Variants in UBAP2 observed in about 807,000 individuals in gnomAD.
The protein encoded by UBAP2 is ubiquitin-associated protein 2.
Under a neutral mutation model 139.6 loss-of-function variants are expected in UBAP2, and 75 were observed. The ratio of observed to expected loss-of-function variants is 0.54; its 90% CI spans 0.45 to 0.65. UBAP2 has a LOEUF of 0.65. UBAP2 is among the 30% of genes least tolerant of loss of function. The probability of loss-of-function intolerance (pLI) is 0.00; values close to 1 mark genes in which losing one functional copy is unlikely to be tolerated. For synonymous variants in UBAP2, 526 were observed against 526.2 expected, an observed-to-expected ratio of 1.00 and a Z score of 0.01; for missense variants, 1,368 against 1,369.6, an observed-to-expected ratio of 1.00 and a Z score of 0.02.
In UBAP2 at chr9:33,927,656, T is replaced by C. The variant is rs952459575; in HGVS notation, c.2371+141A>G. ...TTCATCCCCATCAGGGGTGGGGAGA[T>C]TGGGCCTCAAGGTCAGTGGAACACG... On this transcript the variant is annotated intron_variant, in intron 20 of 28. Transcript: ENST00000379238. 7.5e-6 allele frequency: 6 copies of C among 800,218 alleles called. No individual in the cohort carries two copies. In the South Asian group the frequency reaches 7.8e-5, roughly 10 times the overall value. 49.6% of individuals were successfully genotyped at this position (800,218 alleles called of 1,614,324 possible). A position where few individuals can be genotyped will look rare whatever the true frequency, so the allele number is the denominator to read the frequency against.
At chr9:33,963,526 A>T (rs1489110802) in intron 9 of UBAP2, among the ~76,000 whole-genome samples, 200 bp downstream of exon 9, 1 of 152,214 alleles carries the variant, frequency 6.6e-6, no homozygotes, top group East Asian at 1.9e-4. Context: ...ATAATGATGA[A>T]AATTCTGTGG....
intron 6 of UBAP2, among the ~76,000 whole-genome samples, chr9:33,985,998 G>A (rs183145862): frequency 8.1e-4 from 123 of 152,182 alleles, no homozygotes; most frequent in Non-Finnish European, 1.4e-3. Context: ...TCCAGCCTGG[G>A]TGACAAAGTA....
chr9:34,016,256 AG>A (rs1409806878), intron 2 of UBAP2, among the ~76,000 whole-genome samples: 10 of 28,024 alleles, frequency 3.6e-4, no homozygotes, highest in Non-Finnish European at 8.7e-4. Flanking sequence ...GAGGAGGAGG[AG>A]GAAGAGGAGG....
chr9:33,925,167 G>A (rs1257507552), intron 22 of UBAP2, among the ~76,000 whole-genome samples: 1 of 152,132 alleles, frequency 6.6e-6, no homozygotes, highest in East Asian at 1.9e-4. Context: ...CTGAGGAAAG[G>A]CAAAGCCCTT....
intron 21 of UBAP2, 52 bp downstream of exon 21, chr9:33,926,937 G>GC (rs914511735): frequency 6.4e-6 from 10 of 1,568,022 alleles, no homozygotes; most frequent in Admixed American, 3.3e-5. Flanking sequence ...CCAGGTGCCA[G>GC]CCCCCGAGGC....
intron 1 of UBAP2, among the ~76,000 whole-genome samples, chr9:34,038,549 T>C (rs1826682146): frequency 6.6e-6 from 1 of 152,160 alleles, no homozygotes; most frequent in African/African-American, 2.4e-5. Flanking sequence ...CCTCCTGAGG[T>C]GCCGGGATTG....
intron 13 of UBAP2, among the ~76,000 whole-genome samples, chr9:33,947,616 G>A (rs1277084197): frequency 6.6e-6 from 1 of 151,992 alleles, no homozygotes; most frequent in East Asian, 1.9e-4. Flanking sequence ...TAGTCCAGGA[G>A]TTCCAGACCA....
intron 17 of UBAP2, chr9:33,933,968 C>G: frequency 9.4e-6 from 2 of 213,706 alleles, no homozygotes; most frequent in South Asian, 1.8e-4. Context: ...AGGTGCTGAG[C>G]CTAATATGTA....
chr9:34,024,342 CA>C (rs11464111), intron 1 of UBAP2, among the ~76,000 whole-genome samples: 104,393 of 144,540 alleles, frequency 0.72, 37,363 homozygotes, highest in Middle Eastern at 0.81. Context: ...AACTCTGTCT[CA>C]AAAAAAAAAA....
intron 8 of UBAP2, among the ~76,000 whole-genome samples, chr9:33,965,861 A>G (rs1205974377): frequency 2.6e-5 from 4 of 151,934 alleles, no homozygotes; most frequent in Non-Finnish European, 5.9e-5. Flanking sequence ...ATCCTGGCTA[A>G]CACAGTGAAG....
intron 8 of UBAP2, chr9:33,968,348 C>T (rs2131039854): frequency 1.7e-6 from 1 of 580,536 alleles, no homozygotes; most frequent in South Asian, 1.4e-5. Flanking sequence ...AGAGCCAACA[C>T]TTTGAGGTTC....
chr9:34,032,350 A>T (rs918100016), intron 1 of UBAP2, among the ~76,000 whole-genome samples: 1 of 152,096 alleles, frequency 6.6e-6, no homozygotes, highest in Non-Finnish European at 1.5e-5. Flanking sequence ...AGACTCAGGC[A>T]TATTTCTGTC....
intron 14 of UBAP2, 32 bp from the exon 15 acceptor site, chr9:33,943,621 G>GAGGTCACAGATTCC: frequency 6.2e-7 from 1 of 1,610,980 alleles, no homozygotes; most frequent in Non-Finnish European, 8.5e-7. Flanking sequence ...GTCAGGAACA[G>GAGGTCACAGATTCC]AGGTCACAGA....
In UBAP2 at chr9:33,996,238, T is replaced by C. The variant is rs1328311017; in HGVS notation, c.273A>G (p.Glu91=). ...TAATACTTACTGTGTCTGAATTCCC[T>C]TCCAGCAATATATTGATAGCTTTGT... The part of the protein sequence containing the change: ...DVNKAINILL[E]GNSDTTSWET... The change falls in exon 4 of 29, where the codon GAA becomes GAG. Residue 91 remains glutamate (E), a synonymous_variant. Coordinates refer to ENST00000379238, the MANE Select transcript of UBAP2 (RefSeq NM_001370062.2). 6.2e-7 allele frequency: 1 copy of C among 1,611,754 alleles called. No homozygotes were observed. Among genetic ancestry groups the C allele is most frequent in the South Asian group, 1.1e-5 (1 of 90,890 alleles).
chr9:34,016,294 G>A (rs1270203599), intron 2 of UBAP2, among the ~76,000 whole-genome samples: 9 of 99,286 alleles, frequency 9.1e-5, no homozygotes, highest in Non-Finnish European at 1.9e-4. Flanking sequence ...GGAGGAGGAG[G>A]AAGAGGAGGA....
intron 8 of UBAP2, among the ~76,000 whole-genome samples, chr9:33,964,080 T>C (rs752039987): frequency 4.6e-5 from 7 of 152,204 alleles, no homozygotes; most frequent in Non-Finnish European, 7.4e-5. Flanking sequence ...GTTCAACAGG[T>C]ACCAGTTTTT....
At chr9:33,997,043 A>T (rs1822264913) in intron 3 of UBAP2, 1 of 152,168 alleles carries the variant, frequency 6.6e-6, no homozygotes, top group African/African-American at 2.4e-5. Flanking sequence ...CCCCCTCAAA[A>T]AAAAGAAGAA....
intron 8 of UBAP2, among the ~76,000 whole-genome samples, chr9:33,969,873 C>T (rs767395838): frequency 6.7e-6 from 1 of 149,602 alleles, no homozygotes; most frequent in Admixed American, 6.7e-5. Context: ...AACACCCCCC[C>T]ACCCCCAAAA....
intron 2 of UBAP2, among the ~76,000 whole-genome samples, chr9:34,010,360 G>A (rs1354899913): frequency 6.8e-6 from 1 of 147,800 alleles, no homozygotes; most frequent in Admixed American, 6.8e-5. Flanking sequence ...GGAGATGGAG[G>A]TTGCAGTGAG....
Sources: allele counts gnomAD v4.1 joint callset (sites outside exome capture counted in the v4.1 genomes callset), GRCh38; gene constraint gnomAD v4.1.1; transcripts MANE v1.5; gene names NCBI Gene and HGNC (gene_info 2026-07-23, HGNC 2026-07-21).